The following ALK variants were observed in gnomAD, a reference collection of about 807,000 sequenced individuals.
The protein encoded by ALK is ALK tyrosine kinase receptor.
In ALK, 74 loss-of-function variants were observed where a neutral mutation model predicts 163.1. That is an observed-to-expected ratio of 0.45 (90% CI 0.38 to 0.55). The LOEUF (loss-of-function observed/expected upper bound fraction) is 0.55. Ranked by LOEUF, ALK falls within the 20% of genes least tolerant of loss-of-function variation. The pLI is 0.00. For missense variants in ALK, 2,063 were observed against 2,105.3 expected (o/e 0.98, Z 0.39); for synonymous variants, 960 against 843.2 (o/e 1.14, Z -2.40).
chr2:29,340,559 G>T (rs1025155630), intron 5 of ALK, among the ~76,000 whole-genome samples: 1 of 152,176 alleles, frequency 6.6e-6, no homozygotes, highest in Non-Finnish European at 1.5e-5. Flanking sequence ...TAGCCACCGG[G>T]TGCTGATGCC....
At chr2:29,587,667 C>T (rs1030076715) in intron 3 of ALK, among the ~76,000 whole-genome samples, 9 of 152,178 alleles carry the variant, frequency 5.9e-5, no homozygotes, top group African/African-American at 1.2e-4. Flanking sequence ...TGACTTCTTT[C>T]GATCCTGATC....
chr2:29,712,567 C>T (rs1375070417), intron 2 of ALK, among the ~76,000 whole-genome samples: 1 of 152,102 alleles, frequency 6.6e-6, no homozygotes, highest in Admixed American at 6.5e-5. Flanking sequence ...AAATCCTATA[C>T]AGAGCCAGAG....
At chr2:29,885,942 CACCATAT>C (rs1426210255) in intron 1 of ALK, among the ~76,000 whole-genome samples, 1 of 152,102 alleles carries the variant, frequency 6.6e-6, no homozygotes, top group African/African-American at 2.4e-5. Context: ...CATAAAGTTA[CACCATAT>C]ATGCCTGCCT....
At chr2:29,327,453 G>A (rs1050394102) in intron 6 of ALK, among the ~76,000 whole-genome samples, 3 of 152,268 alleles carry the variant, frequency 2.0e-5, no homozygotes, top group South Asian at 2.1e-4. Flanking sequence ...ATAATATGAC[G>A]TGTTGGCAAA....
rs1442002027 is a variant in ALK, at chr2:29,638,776, C to T, written c.952+56074G>A. ...GGATCAGAAGACTGGGACTGAACCA[C>T]AGCACCCCCTCTCATTAGCTAGTGA... On this transcript the variant is annotated intron_variant, in intron 3 of 28. Coordinates refer to ENST00000389048, the MANE Select transcript of ALK (RefSeq NM_004304.5). Among the ~76,000 whole-genome samples, 5 of 152,238 alleles carry T rather than the reference C, an allele frequency of 3.3e-5. No individual in the cohort carries two copies. In the East Asian group the frequency reaches 7.7e-4, roughly 24 times the overall value.
intron 1 of ALK, among the ~76,000 whole-genome samples, chr2:29,722,354 T>C (rs1679446045): frequency 6.6e-6 from 1 of 152,188 alleles, no homozygotes; most frequent in Non-Finnish European, 1.5e-5. Flanking sequence ...GAAGATAACT[T>C]GTTTACCCAT....
intron 4 of ALK, among the ~76,000 whole-genome samples, chr2:29,446,631 C>A (rs1670691355): frequency 6.6e-6 from 1 of 152,206 alleles, no homozygotes; most frequent in Admixed American, 6.5e-5. Context: ...CCAAGCTGAG[C>A]TGCTATACAA....
chr2:29,432,754 TA>T (rs1019275209), intron 4 of ALK, among the ~76,000 whole-genome samples: 1 of 150,530 alleles, frequency 6.6e-6, no homozygotes, highest in African/African-American at 2.5e-5. Flanking sequence ...TTTTTTTTTT[TA>T]AACCGATGGA....
At chr2:29,229,180 T>C in intron 15 of ALK, 114 bp from the exon 16 acceptor site, 1 of 904,826 alleles carries the variant, frequency 1.1e-6, no homozygotes, top group South Asian at 1.4e-5. Flanking sequence ...CAGCTCCAGC[T>C]CCCGGGGCCC....
chr2:29,821,773 G>T (rs78039405), intron 1 of ALK, among the ~76,000 whole-genome samples: 3,185 of 152,206 alleles, frequency 0.021, 100 homozygotes, highest in East Asian at 0.11. Flanking sequence ...TCAGGCCTGG[G>T]GGAAGAGAAG....
intron 1 of ALK, among the ~76,000 whole-genome samples, chr2:29,881,227 C>A (rs543559506): frequency 1.3e-3 from 203 of 152,310 alleles, no homozygotes; most frequent in African/African-American, 4.2e-3. Flanking sequence ...CTGAGCCTTG[C>A]AAAGTTCCAG....
chr2:29,258,107 C>T (rs1664994202), intron 11 of ALK, among the ~76,000 whole-genome samples: 1 of 152,184 alleles, frequency 6.6e-6, no homozygotes, highest in African/African-American at 2.4e-5. Context: ...GGTGTCATTA[C>T]AGGCAAAAGC....
At chr2:29,769,149 A>G (rs1680947529) in intron 1 of ALK, among the ~76,000 whole-genome samples, 1 of 152,034 alleles carries the variant, frequency 6.6e-6, no homozygotes, top group Admixed American at 6.5e-5. Flanking sequence ...TTTTCTTCAT[A>G]GTTCTCTTTA....
intron 1 of ALK, among the ~76,000 whole-genome samples, chr2:29,871,533 G>A (rs1300650595): frequency 2.0e-5 from 3 of 152,142 alleles, no homozygotes; most frequent in Admixed American, 2.0e-4. Flanking sequence ...TCAAATCAGA[G>A]CATGCCCAGC....
intron 1 of ALK, among the ~76,000 whole-genome samples, chr2:29,849,828 G>C (rs566611825): frequency 1.3e-5 from 2 of 152,054 alleles, no homozygotes; most frequent in African/African-American, 4.8e-5. Context: ...GGGGAGGAGG[G>C]AGGAGAGAGG....
At position 29,375,739 on chromosome 2, in the gene ALK, G is replaced by C. The variant is rs576567581; in HGVS notation, c.1282+7993C>G. Among the ~76,000 whole-genome samples the C allele has an allele frequency of 4.6e-5, 7 of 152,328 alleles. No homozygotes were observed. The East Asian group carries it at 1.3e-3, about 29-fold the overall frequency. ...TATGGCAAGTAAGAGGTAGGAAGGA[G>C]ACTTAAATCCAGGTTTTCTGATTCT... On this transcript the variant is annotated intron_variant, in intron 5 of 28. Coordinates refer to ENST00000389048, the MANE Select transcript of ALK (RefSeq NM_004304.5).
At chr2:29,793,678 G>C (rs1395589392) in intron 1 of ALK, among the ~76,000 whole-genome samples, 2 of 152,154 alleles carry the variant, frequency 1.3e-5, no homozygotes, top group East Asian at 3.8e-4. Context: ...GAGCTCTCCA[G>C]TGATGAGGAG....
At chr2:29,780,156 T>A (rs529155408) in intron 1 of ALK, among the ~76,000 whole-genome samples, 1 of 152,212 alleles carries the variant, frequency 6.6e-6, no homozygotes, top group Non-Finnish European at 1.5e-5. Context: ...ACTGCATTCA[T>A]CTTGAAAACA....
At chr2:29,673,164 A>G (rs1450397286) in intron 3 of ALK, among the ~76,000 whole-genome samples, 1 of 146,172 alleles carries the variant, frequency 6.8e-6, no homozygotes, top group Non-Finnish European at 1.5e-5. Context: ...TTCGCTGTAC[A>G]GAAGCTCTTT....
Sources: allele counts gnomAD v4.1 joint callset (sites outside exome capture counted in the v4.1 genomes callset), GRCh38; gene constraint gnomAD v4.1.1; transcripts MANE v1.5; gene names NCBI Gene and HGNC (gene_info 2026-07-23, HGNC 2026-07-21).